The following JPH2 variants were observed in gnomAD, a reference collection of about 807,000 sequenced individuals.
The protein encoded by JPH2 is junctophilin 2.
In JPH2, 38 loss-of-function variants were observed where a neutral mutation model predicts 55.9. The observed-to-expected ratio is 0.68, with a 90% CI of 0.52 to 0.89. The LOEUF is 0.89. JPH2 is among the 40% of genes least tolerant of loss of function. The pLI is 0.00. For synonymous variants in JPH2, 480 were observed against 472.4 expected (o/e 1.02, Z -0.21); for missense variants, 964 against 1,037.6 (o/e 0.93, Z 0.97).
Position 44,111,268 on chromosome 20 carries a change from A to G in JPH2, c.*2250T>C, listed in dbSNP as rs1202664965. 3.3e-5 allele frequency among the ~76,000 whole-genome samples: 5 copies of G among 152,192 alleles called. No individual in the cohort carries two copies. In the East Asian group the frequency reaches 9.6e-4, roughly 29 times the overall value. ...GCAGAGCTAACAGCACCATAGCGTGATAACAACACTCGTCTCCATTTCTCC... is the reference window on the plus strand; with the variant it reads ...GCAGAGCTAACAGCACCATAGCGTGGTAACAACACTCGTCTCCATTTCTCC... On this transcript the variant is annotated 3_prime_UTR_variant, in exon 6 of 6. Transcript: ENST00000372980.
chr20:44,133,200 A>G (rs1248329280), intron 2 of JPH2, among the ~76,000 whole-genome samples: 2 of 145,670 alleles, frequency 1.4e-5, no homozygotes, highest in South Asian at 2.3e-4. Flanking sequence ...TTCTGCCCAC[A>G]TCTCTGCAAA....
At chr20:44,185,068 G>A (rs2072821123) in intron 1 of JPH2, among the ~76,000 whole-genome samples, 1 of 152,206 alleles carries the variant, frequency 6.6e-6, no homozygotes, top group African/African-American at 2.4e-5. Flanking sequence ...GAGCCACGGA[G>A]TCCAAGAATT....
intron 1 of JPH2, among the ~76,000 whole-genome samples, chr20:44,175,506 C>T (rs925978292): frequency 1.1e-4 from 17 of 152,210 alleles, no homozygotes; most frequent in Non-Finnish European, 1.9e-4. Flanking sequence ...TTCCAAATGC[C>T]GCTGTCCATC....
intron 2 of JPH2, among the ~76,000 whole-genome samples, chr20:44,121,639 A>G (rs2072237435): frequency 6.6e-6 from 1 of 152,060 alleles, no homozygotes; most frequent in Non-Finnish European, 1.5e-5. Flanking sequence ...TACAGGGTAG[A>G]TGTTATTCCT....
At chr20:44,134,869 TATATATTTATATATATATTA>T in intron 2 of JPH2, among the ~76,000 whole-genome samples, 1 of 24,632 alleles carries the variant, frequency 4.1e-5, no homozygotes, top group Admixed American at 8.2e-4. Flanking sequence ...TATATAAATA[TATATATTTATATATATATTA>T]ATATATATTT....
rs1331634665 is a variant in JPH2, at chr20:44,111,422, G to A, written c.*2096C>T. 1.3e-5 allele frequency among the ~76,000 whole-genome samples: 2 copies of A among 152,168 alleles called. No homozygotes were observed. The highest frequency in any genetic ancestry group is 4.8e-5 in the African/African-American group (2 of 41,428). ...CGAAGAAAGTGGCTGGGCTAGCATT[G>A]GAGGCTGGGGGGACTCCACCTCAAA... On this transcript the variant is annotated 3_prime_UTR_variant, in exon 6 of 6. Transcript: ENST00000372980.
chr20:44,186,246 G>A lies in JPH2; in HGVS notation c.379+81C>T, dbSNP rs2072839109. 20 of 1,506,622 alleles carry A rather than the reference G, an allele frequency of 1.3e-5. No homozygotes were observed. The East Asian group carries it at 1.4e-4, about 10-fold the overall frequency. 93.3% of individuals were successfully genotyped at this position (1,506,622 alleles called of 1,614,324 possible). A position where few individuals can be genotyped will look rare whatever the true frequency, so the allele number is the denominator to read the frequency against. On this transcript the variant is annotated intron_variant, in intron 1 of 5. Transcript: ENST00000372980. Reference sequence around the variant, plus strand: ...CCCATCTGATTCTGTGCCAATTGCCGGTCGCCTTTCCCACCCTCCACCAGG... The same window carrying A: ...CCCATCTGATTCTGTGCCAATTGCCAGTCGCCTTTCCCACCCTCCACCAGG...
chr20:44,115,588 C>G, intron 4 of JPH2, 77 bp downstream of exon 4: 3 of 1,596,202 alleles, frequency 1.9e-6, no homozygotes, highest in Non-Finnish European at 2.6e-6. Flanking sequence ...CCCAAATCCC[C>G]TGCCCCTGAA....
chr20:44,154,766 G>T (rs1600854709), intron 2 of JPH2, among the ~76,000 whole-genome samples: 1 of 152,200 alleles, frequency 6.6e-6, no homozygotes, highest in East Asian at 1.9e-4. Flanking sequence ...GCGGAAGATG[G>T]CCACAATCCT....
At chr20:44,164,640 C>T (rs538150040) in intron 1 of JPH2, among the ~76,000 whole-genome samples, 1 of 151,942 alleles carries the variant, frequency 6.6e-6, no homozygotes, top group Admixed American at 6.6e-5. Flanking sequence ...GAGATGAAAG[C>T]TGTGTGACTC....
At chr20:44,158,470 A>G (rs925653795) in intron 2 of JPH2, among the ~76,000 whole-genome samples, 1 of 152,230 alleles carries the variant, frequency 6.6e-6, no homozygotes, top group Non-Finnish European at 1.5e-5. Context: ...CACTTAGCTC[A>G]TCTGCAAAAC....
In JPH2 at chr20:44,114,565, A is replaced by AGTGT. The variant is rs3037626; in HGVS notation, c.*14+213_*14+216dup. ...CTGCAAACACTAAGCTAATGAAGTA[A>AGTGT]GTGTGTGTGTGTGTGTGTGTGTGTG... On this transcript the variant is annotated intron_variant, in intron 5 of 5. Coordinates refer to ENST00000372980, the MANE Select transcript of JPH2 (RefSeq NM_020433.5). Among the ~76,000 whole-genome samples, 570 of 141,988 alleles carry AGTGT rather than the reference A, an allele frequency of 4.0e-3. 2 individuals carry two copies. Among genetic ancestry groups the AGTGT allele is most frequent in the East Asian group, 0.012 (55 of 4,606 alleles). The allele number at this position is 141,988 out of a possible 152,430, so 93.1% of individuals were successfully genotyped here. A position where few individuals can be genotyped will look rare whatever the true frequency, so the allele number is the denominator to read the frequency against.
intron 2 of JPH2, among the ~76,000 whole-genome samples, chr20:44,155,455 G>T (rs2072559074): frequency 6.6e-6 from 1 of 152,180 alleles, no homozygotes. Context: ...TTTGGAAGAA[G>T]GAGCAAATCT....
intron 2 of JPH2, among the ~76,000 whole-genome samples, chr20:44,135,414 A>T (rs1360453739): frequency 1.3e-5 from 2 of 151,896 alleles, no homozygotes; most frequent in East Asian, 3.9e-4. Context: ...AACATAGGTA[A>T]TTTCTTCTCC....
At chr20:44,119,680 T>C (rs1486915933) in intron 2 of JPH2, among the ~76,000 whole-genome samples, 1 of 152,186 alleles carries the variant, frequency 6.6e-6, no homozygotes, top group African/African-American at 2.4e-5. Context: ...GAGACCATCC[T>C]GGCTAACATG....
At chr20:44,127,581 G>A (rs2072286348) in intron 2 of JPH2, among the ~76,000 whole-genome samples, 1 of 151,762 alleles carries the variant, frequency 6.6e-6, no homozygotes, top group African/African-American at 2.4e-5. Flanking sequence ...TGCCTCCCGG[G>A]TACAAGTGAT....
intron 2 of JPH2, among the ~76,000 whole-genome samples, chr20:44,139,514 T>C (rs1030563347): frequency 6.6e-6 from 1 of 152,164 alleles, no homozygotes; most frequent in Non-Finnish European, 1.5e-5. Flanking sequence ...AGTTCTGTAC[T>C]TGGAAAAACA....
chr20:44,119,460 A>C (rs929049838), intron 2 of JPH2, among the ~76,000 whole-genome samples: 43 of 152,360 alleles, frequency 2.8e-4, no homozygotes, highest in African/African-American at 9.1e-4. Context: ...TGCCCTATGC[A>C]GATCCCTTCA....
intron 1 of JPH2, among the ~76,000 whole-genome samples, chr20:44,167,520 T>A (rs2072665452): frequency 6.6e-6 from 1 of 152,116 alleles, no homozygotes; most frequent in Non-Finnish European, 1.5e-5. Context: ...GATTCAGCAG[T>A]TCAAGCCCTG....
Sources: allele counts gnomAD v4.1 joint callset (sites outside exome capture counted in the v4.1 genomes callset), GRCh38; gene constraint gnomAD v4.1.1; transcripts MANE v1.5; gene names NCBI Gene and HGNC (gene_info 2026-07-23, HGNC 2026-07-21).